Variants in TMCO4 observed in about 807,000 individuals in gnomAD.
TMCO4 encodes the protein transmembrane and coiled-coil domains 4, also known as transmembrane and coiled-coil domain-containing protein 4.
A neutral mutation model predicts 64.7 loss-of-function variants in TMCO4; 58 were observed. The ratio of observed to expected loss-of-function variants is 0.90; its 90% CI spans 0.73 to 1.12. The LOEUF (loss-of-function observed/expected upper bound fraction) is 1.12. Among genes scored for constraint, TMCO4 ranks in the 50% most tolerant of loss-of-function variants. The pLI, the probability that TMCO4 is intolerant of heterozygous loss-of-function variation, is 0.00. For missense variants in TMCO4, 780 were observed against 825.9 expected, an observed-to-expected ratio of 0.94 and a Z score of 0.68; for synonymous variants, 325 against 346.1, an observed-to-expected ratio of 0.94 and a Z score of 0.68.
intron 4 of TMCO4, among the ~76,000 whole-genome samples, chr1:19,771,849 G>T (rs1211599042): frequency 6.6e-6 from 1 of 152,068 alleles, no homozygotes; most frequent in Non-Finnish European, 1.5e-5. Context: ...GTAGAGACAG[G>T]ATTTCACCAT....
intron 3 of TMCO4, among the ~76,000 whole-genome samples, chr1:19,784,916 T>C (rs1413933893): frequency 6.6e-6 from 1 of 151,814 alleles, no homozygotes; most frequent in East Asian, 1.9e-4. Context: ...TATGAATTTG[T>C]GTTGGGCCGC....
At chr1:19,725,958 G>A (rs536460158) in intron 13 of TMCO4, among the ~76,000 whole-genome samples, 5 of 152,312 alleles carry the variant, frequency 3.3e-5, no homozygotes, top group Admixed American at 6.5e-5. Flanking sequence ...GAGCCTTGCC[G>A]CACCCAAAGG....
intron 14 of TMCO4, among the ~76,000 whole-genome samples, chr1:19,696,794 G>T (rs1488485691): frequency 6.6e-6 from 1 of 152,166 alleles, no homozygotes; most frequent in African/African-American, 2.4e-5. Context: ...TAGTTAAAAT[G>T]TGAATTACAT....
chr1:19,781,093 C>T (rs569047478), intron 3 of TMCO4, among the ~76,000 whole-genome samples: 7 of 147,568 alleles, frequency 4.7e-5, no homozygotes, highest in Admixed American at 7.0e-5. Context: ...CACAGTGAGC[C>T]GAGATCGCGC....
intron 14 of TMCO4, among the ~76,000 whole-genome samples, chr1:19,700,079 A>G (rs3934191): frequency 0.44 from 66,913 of 152,024 alleles, 16,717 homozygotes; most frequent in Non-Finnish European, 0.57. Context: ...ACTCAGGCCA[A>G]TCTTAGAGGG....
intron 13 of TMCO4, among the ~76,000 whole-genome samples, chr1:19,708,561 G>A (rs1313107224): frequency 1.3e-5 from 2 of 152,136 alleles, no homozygotes; most frequent in Admixed American, 6.6e-5. Context: ...CCCTTCCAAA[G>A]GGCCCCACAG....
intron 2 of TMCO4, among the ~76,000 whole-genome samples, chr1:19,797,496 C>T (rs113749753): frequency 1.1e-3 from 173 of 152,118 alleles, no homozygotes; most frequent in African/African-American, 3.8e-3. Context: ...GTCTGAGATG[C>T]GGCTGGAGGT....
At chr1:19,791,586 G>A (rs2101131643) in intron 2 of TMCO4, among the ~76,000 whole-genome samples, 1 of 152,320 alleles carries the variant, frequency 6.6e-6, no homozygotes, top group Non-Finnish European at 1.5e-5. Context: ...TTTGGGATCA[G>A]GATCCAGTCC....
chr1:19,798,887 T>G (rs1266360978), intron 1 of TMCO4, among the ~76,000 whole-genome samples: 1 of 152,230 alleles, frequency 6.6e-6, no homozygotes, highest in Non-Finnish European at 1.5e-5. Context: ...AAATGGATGT[T>G]CCCAAAGCTT....
At chr1:19,716,985 G>A (rs899528005) in intron 13 of TMCO4, among the ~76,000 whole-genome samples, 3 of 152,026 alleles carry the variant, frequency 2.0e-5, no homozygotes, top group Non-Finnish European at 4.4e-5. Context: ...CCAGGAGTTC[G>A]AGACCAGCCT....
At chr1:19,777,598 C>T (rs1053364667) in intron 4 of TMCO4, among the ~76,000 whole-genome samples, 2 of 152,222 alleles carry the variant, frequency 1.3e-5, no homozygotes, top group African/African-American at 4.8e-5. Context: ...ATCTACATGC[C>T]TCGGCCTCCC....
At chr1:19,788,761 T>C (rs2043869834) in intron 2 of TMCO4, among the ~76,000 whole-genome samples, 2 of 152,134 alleles carry the variant, frequency 1.3e-5, no homozygotes, top group African/African-American at 4.8e-5. Context: ...GCATATACAA[T>C]ATGACTCTAG....
In TMCO4 at chr1:19,734,818, G is replaced by A. The variant is rs1332439164; in HGVS notation, c.1264+2554C>T. Among the ~76,000 whole-genome samples, 4 of 152,142 alleles carry A rather than the reference G, an allele frequency of 2.6e-5. No homozygotes were observed. Among genetic ancestry groups the A allele is most frequent in the Non-Finnish European group, 5.9e-5 (4 of 68,008 alleles). On this transcript the variant is annotated intron_variant, in intron 13 of 15. Coordinates refer to ENST00000294543, the MANE Select transcript of TMCO4 (RefSeq NM_181719.7). This position sits in a 1 kb window ranked among gnomAD's most constrained non-coding sequence, Gnocchi z 4.4. ...GGCTCTGGCACTTAGGATTCTTGTG[G>A]CTTCACCTCTCAGCCTCAGTTTTCT...
At chr1:19,789,758 A>T (rs2043932880) in intron 2 of TMCO4, among the ~76,000 whole-genome samples, 1 of 152,120 alleles carries the variant, frequency 6.6e-6, no homozygotes, top group Non-Finnish European at 1.5e-5. Flanking sequence ...AAGTCTTGTC[A>T]GTAAGAAAAG....
In TMCO4 at chr1:19,694,952, G is replaced by C. The variant is rs1189785437; in HGVS notation, c.1383-401C>G. On this transcript the variant is annotated intron_variant, in intron 14 of 15. Coordinates refer to ENST00000294543, the MANE Select transcript of TMCO4 (RefSeq NM_181719.7). ...GGAGAGCTACTCCCAGCTCGGGAAA[G>C]GTGGCTTGTCCAGGGCTCCCTGGAA... 2.6e-5 allele frequency among the ~76,000 whole-genome samples: 4 copies of C among 152,250 alleles called. No homozygotes were observed. The East Asian group carries it at 5.8e-4, about 22-fold the overall frequency.
rs1188248751 is a variant in TMCO4, at chr1:19,721,701, A to G, written c.1264+15671T>C. Among the ~76,000 whole-genome samples, 3 of 152,118 alleles carry G rather than the reference A, an allele frequency of 2.0e-5. No individual in the cohort carries two copies. The East Asian group carries it at 5.8e-4, about 29-fold the overall frequency. On this transcript the variant is annotated intron_variant, in intron 13 of 15. Coordinates refer to ENST00000294543, the MANE Select transcript of TMCO4 (RefSeq NM_181719.7). ...CTACTTGGGAGGCTGAGGTGGGAGG[A>G]TGGCTTGGGCCCAGGGGAAAGAGGC...
rs2041641490 is a variant in TMCO4 at position 19,743,831 on chromosome 1, CAACAG to C, written c.877+1696_877+1700del. Among the ~76,000 whole-genome samples the C allele has an allele frequency of 6.6e-6, 1 of 152,160 alleles. No homozygotes were observed. Among genetic ancestry groups the C allele is most frequent in the Non-Finnish European group, 1.5e-5 (1 of 68,028 alleles). On this transcript the variant is annotated intron_variant, in intron 10 of 15. Transcript: ENST00000294543. This position sits in a 1 kb window ranked among gnomAD's most constrained non-coding sequence, Gnocchi z 4.1. ...TACTCCCCTGCCAGGGTTCCTCTTC[CAACAG>C]ATCAGGGTCAGAACAGCCCCACCTT...
intron 13 of TMCO4, among the ~76,000 whole-genome samples, chr1:19,708,761 A>T (rs1030999279): frequency 1.3e-5 from 2 of 152,196 alleles, no homozygotes; most frequent in Non-Finnish European, 2.9e-5. Flanking sequence ...ACAGCTGGGA[A>T]GGCAGCACCT....
rs754160452 is a variant in TMCO4 at position 19,700,884 on chromosome 1, A to G, written c.1266T>C (p.Asp422=). 3.1e-6 allele frequency: 5 copies of G among 1,614,070 alleles called. No homozygotes were observed. The highest frequency in any genetic ancestry group is 4.2e-6 in the Non-Finnish European group (5 of 1,179,916). ...FCLQEMAQEK[D]CQGIIEDVIL... ...TGACGTCCTCGATGATTCCTTGGCA[A>G]TCTGGCAAAAGACCCCAGAAAAGGC... The change falls in exon 14 of 16, where the codon GAT becomes GAC. Residue 422 remains aspartate (D), a splice_region_variant and synonymous_variant. Transcript: ENST00000294543.
Sources: allele counts gnomAD v4.1 joint callset (sites outside exome capture counted in the v4.1 genomes callset), GRCh38; gene constraint gnomAD v4.1.1; non-coding constraint Gnocchi (gnomAD v3.1); transcripts MANE v1.5; gene names NCBI Gene and HGNC (gene_info 2026-07-23, HGNC 2026-07-21).